The following ATP2B2 variants were observed in gnomAD, a reference collection of about 807,000 sequenced individuals.
ATP2B2 encodes the protein plasma membrane calcium-transporting ATPase 2.
In ATP2B2, 15 loss-of-function variants were observed where a neutral mutation model predicts 120.0. The ratio of observed to expected loss-of-function variants is 0.12; its 90% CI spans 0.08 to 0.19. ATP2B2 has a LOEUF of 0.19. Ranked by LOEUF, ATP2B2 falls within the 10% of genes least tolerant of loss-of-function variation. ATP2B2 has a pLI of 1.00. For missense variants in ATP2B2, 1,045 were observed against 1,719.8 expected (o/e 0.61, Z 6.94); for synonymous variants, 694 against 700.3 (o/e 0.99, Z 0.14).
intron 12 of ATP2B2, among the ~76,000 whole-genome samples, chr3:10,360,987 C>T (rs938132565): frequency 2.6e-5 from 4 of 152,250 alleles, no homozygotes; most frequent in Middle Eastern, 6.8e-3. Flanking sequence ...TCATTTCCAG[C>T]CTGTTATATA....
At position 10,687,666 on chromosome 3, in the gene ATP2B2, G is replaced by A. The variant is rs895124963; in HGVS notation, c.-460+20249C>T. Among the ~76,000 whole-genome samples the A allele has an allele frequency of 1.1e-4, 16 of 152,154 alleles. 1 individual carries two copies. Among genetic ancestry groups the A allele is most frequent in the Admixed American group, 7.2e-4 (11 of 15,278 alleles). On this transcript the variant is annotated intron_variant, in intron 1 of 21. Coordinates refer to the ATP2B2 transcript ENST00000646379. ...ATTTGAGGGCAGGAGTTCAGGACCA[G>A]CCTGGCCAAGATGGTGAAACCCCAT...
intron 5 of ATP2B2, among the ~76,000 whole-genome samples, chr3:10,395,708 A>G (rs2062013916): frequency 6.6e-6 from 1 of 152,246 alleles, no homozygotes; most frequent in Non-Finnish European, 1.5e-5. Flanking sequence ...GGCTTGACCC[A>G]TAGGGACCTT....
chr3:10,573,213 T>C (rs2068167260), intron 2 of ATP2B2, among the ~76,000 whole-genome samples: 1 of 150,686 alleles, frequency 6.6e-6, no homozygotes, highest in Non-Finnish European at 1.5e-5. Flanking sequence ...AAGAAAAAAA[T>C]ACATATTAAA....
intron 2 of ATP2B2, among the ~76,000 whole-genome samples, chr3:10,540,009 A>C (rs1351380825): frequency 6.6e-6 from 1 of 152,266 alleles, no homozygotes; most frequent in Non-Finnish European, 1.5e-5. Context: ...AAAGAACTTA[A>C]ACAAATTTAC....
At position 10,375,315 on chromosome 3, in the gene ATP2B2, G is replaced by A. The variant is rs1167659683; in HGVS notation, c.1416+115C>T. 12 of 859,884 alleles carry A rather than the reference G, an allele frequency of 1.4e-5. No individual in the cohort carries two copies. The East Asian group carries it at 3.0e-4, about 22-fold the overall frequency. The allele number at this position is 859,884 out of a possible 1,614,324, so 53.3% of individuals were successfully genotyped here. ...TACATTCTTCTTCCAAGCTCCTAGG[G>A]GGTCTATGGGGCTTCTTCGTTCATC... On this transcript the variant is annotated intron_variant, in intron 11 of 22. Transcript: ENST00000360273. The surrounding 1 kb of genome is among the most constrained non-coding windows in gnomAD (Gnocchi z 4.2).
chr3:10,410,764 T>C lies in ATP2B2; in HGVS notation c.251A>G (p.Gln84Arg), dbSNP rs776500526. The C allele has an allele frequency of 1.2e-6, 2 of 1,614,084 alleles. No individual in the cohort carries two copies. Among genetic ancestry groups the C allele is most frequent in the Non-Finnish European group, 1.7e-6 (2 of 1,180,040 alleles). The part of the protein sequence containing the change: ...DLEKRKQIFG[Q>R]NFIPPKKPKT... ...TGGCTTCTTTGGAGGTATAAAGTTT[T>C]GCCCAAAAATTTGCTTTCTCTTTTC... Residue 84 changes from glutamine to arginine, a missense_variant, in exon 3 of 23, where the codon CAA (glutamine) becomes CGA (arginine). This residue lies in a region of ATP2B2 where 139 missense variants were observed against 134.2 expected (regional missense o/e 1.04). Coordinates refer to ENST00000360273, the MANE Select transcript of ATP2B2 (RefSeq NM_001001331.4).
chr3:10,361,416 T>A (rs2060895822), intron 12 of ATP2B2, among the ~76,000 whole-genome samples: 1 of 152,220 alleles, frequency 6.6e-6, no homozygotes, highest in Non-Finnish European at 1.5e-5. Flanking sequence ...ATGATATGAA[T>A]ATGCTGCAAA....
intron 2 of ATP2B2, among the ~76,000 whole-genome samples, chr3:10,595,711 T>C (rs1302348866): frequency 1.3e-5 from 2 of 152,240 alleles, no homozygotes; most frequent in Non-Finnish European, 2.9e-5. Context: ...CTTGGAAATT[T>C]TGTTTTGAGA....
rs145304016 is a variant in ATP2B2, at chr3:10,617,396, G to A, written c.-415+2521C>T. ...AAACAAAATAAAACCCAATCTACCC[G>A]CCTATAGTCAATACAAGAAAGTGAC... On this transcript the variant is annotated intron_variant, in intron 2 of 21. Transcript: ENST00000646379. Among the ~76,000 whole-genome samples the A allele has an allele frequency of 2.0e-4, 30 of 152,236 alleles. 1 individual carries two copies. The highest frequency in any genetic ancestry group is 6.3e-4 in the African/African-American group (26 of 41,548).
At chr3:10,687,848 G>A (rs978381958) in intron 1 of ATP2B2, among the ~76,000 whole-genome samples, 1 of 152,092 alleles carries the variant, frequency 6.6e-6, no homozygotes, top group Non-Finnish European at 1.5e-5. Context: ...GTGACAGAGT[G>A]AGACTCTGAC....
At chr3:10,492,668 T>A (rs769759879) in intron 1 of ATP2B2, among the ~76,000 whole-genome samples, 33 of 152,274 alleles carry the variant, frequency 2.2e-4, no homozygotes, top group Non-Finnish European at 3.7e-4. Flanking sequence ...GCCCATGCTC[T>A]CCCTCTCACC....
rs1328502695 is a variant in ATP2B2 at position 10,342,361 on chromosome 3, G to C, written c.2917+391C>G. Among the ~76,000 whole-genome samples the C allele has an allele frequency of 6.6e-6, 1 of 152,188 alleles. No homozygotes were observed. Among genetic ancestry groups the C allele is most frequent in the African/African-American group, 2.4e-5 (1 of 41,440 alleles). ...GCCCTGCCCCAGGAAGCCTTGCTGA[G>C]GGTCCCTTCCACGGGGCCAGGATAA... On this transcript the variant is annotated intron_variant, in intron 19 of 22. Coordinates refer to ENST00000360273, the MANE Select transcript of ATP2B2 (RefSeq NM_001001331.4). This position sits in a 1 kb window ranked among gnomAD's most constrained non-coding sequence, Gnocchi z 4.4.
intron 2 of ATP2B2, among the ~76,000 whole-genome samples, chr3:10,438,982 G>C (rs753546216): frequency 6.6e-6 from 1 of 152,226 alleles, no homozygotes; most frequent in South Asian, 2.1e-4. Context: ...CTGGTCCCCC[G>C]CTAAACCCGA....
chr3:10,700,969 G>T (rs1039276907), intron 1 of ATP2B2, among the ~76,000 whole-genome samples: 1 of 152,268 alleles, frequency 6.6e-6, no homozygotes, highest in African/African-American at 2.4e-5. Flanking sequence ...ATTGGCCAAA[G>T]TAAGGCATGT....
intron 12 of ATP2B2, among the ~76,000 whole-genome samples, chr3:10,370,318 T>A (rs2061188798): frequency 6.6e-6 from 1 of 152,240 alleles, no homozygotes; most frequent in Non-Finnish European, 1.5e-5. Flanking sequence ...ATCGCCCTGT[T>A]CCCCTCTCTG....
chr3:10,412,372 C>T (rs549726774), intron 2 of ATP2B2, among the ~76,000 whole-genome samples: 84 of 152,320 alleles, frequency 5.5e-4, no homozygotes, highest in Middle Eastern at 3.4e-3. Context: ...CCTCTGTCCA[C>T]TGTCTGCTGT....
chr3:10,525,341 T>A (rs2067070403), intron 3 of ATP2B2, among the ~76,000 whole-genome samples: 1 of 152,228 alleles, frequency 6.6e-6, no homozygotes. Flanking sequence ...AGTTTCCTTA[T>A]CTGTACAATA....
intron 2 of ATP2B2, among the ~76,000 whole-genome samples, chr3:10,619,382 A>C (rs997934478): frequency 8.5e-5 from 13 of 152,174 alleles, no homozygotes; most frequent in Non-Finnish European, 1.8e-4. Context: ...CCCCTTCTCA[A>C]GGCTTCAAAC....
At chr3:10,660,894 C>A (rs1298705559) in intron 1 of ATP2B2, among the ~76,000 whole-genome samples, 1 of 152,222 alleles carries the variant, frequency 6.6e-6, no homozygotes, top group Non-Finnish European at 1.5e-5. Flanking sequence ...AAAAGCTTAT[C>A]TACCATGATC....
Sources: allele counts gnomAD v4.1 joint callset (sites outside exome capture counted in the v4.1 genomes callset), GRCh38; gene constraint gnomAD v4.1.1; regional missense constraint gnomAD v4.1.1; non-coding constraint Gnocchi (gnomAD v3.1); transcripts MANE v1.5; gene names NCBI Gene and HGNC (gene_info 2026-07-23, HGNC 2026-07-21).